Variants in SRRM4 observed in about 807,000 individuals in gnomAD.
SRRM4 encodes the protein serine/arginine repetitive matrix 4.
SRRM4 carries 33 observed loss-of-function variants against 68.9 expected under a neutral mutation model. The ratio of observed to expected loss-of-function variants is 0.48; its 90% CI spans 0.36 to 0.64. The LOEUF (loss-of-function observed/expected upper bound fraction) is 0.64, where lower values mean the gene tolerates loss of function less well. Among genes scored for constraint, SRRM4 ranks in the 30% least tolerant of loss-of-function variants. The pLI, the probability that SRRM4 is intolerant of heterozygous loss-of-function variation, is 0.00. For synonymous variants in SRRM4, 318 were observed against 318.8 expected, an observed-to-expected ratio of 1.00 and a Z score of 0.03; for missense variants, 817 against 827.1, an observed-to-expected ratio of 0.99 and a Z score of 0.15.
chr12:119,051,635 A>G (rs905940929), intron 1 of SRRM4, among the ~76,000 whole-genome samples: 1 of 152,238 alleles, frequency 6.6e-6, no homozygotes, highest in Non-Finnish European at 1.5e-5. Flanking sequence ...AAGAAAGACT[A>G]CACAATACTT....
intron 1 of SRRM4, chr12:119,001,034 ATAGT>A (rs34796491): frequency 0.7 from 106,855 of 151,614 alleles, 38,749 homozygotes; most frequent in Middle Eastern, 0.89. Flanking sequence ...TGAGGGTGGC[ATAGT>A]TAGGGTAGGC....
intron 1 of SRRM4, among the ~76,000 whole-genome samples, chr12:118,982,343 G>A (rs1953252923): frequency 6.6e-6 from 1 of 152,170 alleles, no homozygotes; most frequent in Non-Finnish European, 1.5e-5. Flanking sequence ...CAGAGGGCAG[G>A]TGGGCCAAGG....
At chr12:119,068,601 AGTTTT>A (rs1953859940) in intron 1 of SRRM4, among the ~76,000 whole-genome samples, 1 of 151,894 alleles carries the variant, frequency 6.6e-6, no homozygotes, top group South Asian at 2.1e-4. Context: ...TGGCTTGGGG[AGTTTT>A]AGATATTTAT....
At position 119,123,536 on chromosome 12, in the gene SRRM4, G is replaced by A. The variant is rs144590154; in HGVS notation, c.515+1416G>A. 6.6e-5 allele frequency among the ~76,000 whole-genome samples: 10 copies of A among 152,172 alleles called. No individual in the cohort carries two copies. The East Asian group carries it at 1.5e-3, about 24-fold the overall frequency. ...ACTGAGATAAGGACTGCCTGCGTAA[G>A]GGGAGCAAGGTGGCCACCCTCCCCG... On this transcript the variant is annotated intron_variant, in intron 6 of 12. Coordinates refer to ENST00000267260, the MANE Select transcript of SRRM4 (RefSeq NM_194286.4).
chr12:119,018,001 A>C (rs192941006), intron 1 of SRRM4, among the ~76,000 whole-genome samples: 198 of 152,344 alleles, frequency 1.3e-3, no homozygotes, highest in African/African-American at 4.6e-3. Context: ...ATAATTTAGC[A>C]GGATCATTGT....
chr12:119,036,362 T>C (rs1003251470), intron 1 of SRRM4, among the ~76,000 whole-genome samples: 1 of 152,106 alleles, frequency 6.6e-6, no homozygotes, highest in Admixed American at 6.5e-5. Context: ...TCAGCCAGGG[T>C]CTCTTCCATT....
chr12:119,138,592 G>C (rs12311667), intron 8 of SRRM4, among the ~76,000 whole-genome samples: 4,176 of 152,232 alleles, frequency 0.027, 207 homozygotes, highest in African/African-American at 0.096. Flanking sequence ...GTTCTACACT[G>C]GTTCCCAGGG....
At chr12:119,102,481 C>T (rs568224485) in intron 2 of SRRM4, 99 bp downstream of exon 2, 109 of 922,864 alleles carry the variant, frequency 1.2e-4, no homozygotes, top group Non-Finnish European at 1.6e-4. Flanking sequence ...CTCTTTCAAA[C>T]CCTTAAATCA....
intron 1 of SRRM4, among the ~76,000 whole-genome samples, chr12:119,035,393 TC>T (rs1387965541): frequency 6.6e-6 from 1 of 152,246 alleles, no homozygotes; most frequent in African/African-American, 2.4e-5. Flanking sequence ...CACCACTTTT[TC>T]CTTGAACTTA....
At chr12:119,141,278 G>T (rs960941568) in intron 8 of SRRM4, among the ~76,000 whole-genome samples, 1 of 152,160 alleles carries the variant, frequency 6.6e-6, no homozygotes, top group Non-Finnish European at 1.5e-5. Flanking sequence ...CCAGCATAAA[G>T]AAAAGATAAA....
At chr12:118,995,780 A>G (rs1953345616) in intron 1 of SRRM4, among the ~76,000 whole-genome samples, 1 of 152,316 alleles carries the variant, frequency 6.6e-6, no homozygotes, top group African/African-American at 2.4e-5. Context: ...TGATTCATGC[A>G]TCTACCCATC....
chr12:119,048,289 G>T (rs78812276), intron 1 of SRRM4, among the ~76,000 whole-genome samples: 3,540 of 152,310 alleles, frequency 0.023, 56 homozygotes, highest in Middle Eastern at 0.085. Context: ...CAAATCAGGG[G>T]TGAGCCCATG....
At chr12:119,057,339 C>T (rs1245966302) in intron 1 of SRRM4, among the ~76,000 whole-genome samples, 2 of 152,130 alleles carry the variant, frequency 1.3e-5, no homozygotes, top group East Asian at 3.9e-4. Context: ...CTTCCTGATG[C>T]TCTCCCTCTC....
intron 1 of SRRM4, among the ~76,000 whole-genome samples, chr12:119,007,131 A>C (rs1953421358): frequency 6.6e-6 from 1 of 152,214 alleles, no homozygotes; most frequent in African/African-American, 2.4e-5. Flanking sequence ...ACCCTGGCCC[A>C]CATCTTATCA....
At chr12:119,136,351 C>G (rs1408828226) in intron 8 of SRRM4, among the ~76,000 whole-genome samples, 1 of 152,192 alleles carries the variant, frequency 6.6e-6, no homozygotes, top group Non-Finnish European at 1.5e-5. Flanking sequence ...AGCTCTTGCT[C>G]AACTGGGAGA....
chr12:119,019,536 C>T (rs1437874844), intron 1 of SRRM4, among the ~76,000 whole-genome samples: 1 of 152,170 alleles, frequency 6.6e-6, no homozygotes, highest in Admixed American at 6.5e-5. Flanking sequence ...CCTCAGACAA[C>T]AGCAGTTCCT....
At chr12:119,115,970 G>A (rs1475349368) in intron 3 of SRRM4, among the ~76,000 whole-genome samples, 1 of 152,084 alleles carries the variant, frequency 6.6e-6, no homozygotes, top group Non-Finnish European at 1.5e-5. Context: ...GGCAGGTGCT[G>A]TAGAAGCCCA....
At chr12:119,056,536 G>T (rs1953777780) in intron 1 of SRRM4, among the ~76,000 whole-genome samples, 1 of 152,136 alleles carries the variant, frequency 6.6e-6, no homozygotes. Context: ...CCTGGTGCCT[G>T]CCCACCTCTC....
Position 119,160,575 on chromosome 12 carries a change from A to G in SRRM4, c.*3777A>G, listed in dbSNP as rs541777732. On this transcript the variant is annotated 3_prime_UTR_variant, in exon 13 of 13. Transcript: ENST00000267260. Reference sequence around the variant, plus strand: ...GAGATGTGGCTTGAGGTCAAGCGCCATGCATCCCAAGCCTTTGACCTTCCC... The same window carrying G: ...GAGATGTGGCTTGAGGTCAAGCGCCGTGCATCCCAAGCCTTTGACCTTCCC... The G allele has an allele frequency of 2.2e-4, 33 of 152,322 alleles. No individual in the cohort carries two copies. The highest frequency in any genetic ancestry group is 1.9e-3 in the Admixed American group (29 of 15,300). 9.4% of individuals were successfully genotyped at this position (152,322 alleles called of 1,614,324 possible). A position where few individuals can be genotyped will look rare whatever the true frequency, so the allele number is the denominator to read the frequency against.
Sources: gnomAD v4.1 joint callset for allele counts (sites outside exome capture counted in the v4.1 genomes callset) on GRCh38, gnomAD v4.1.1 for gene constraint, MANE v1.5 for transcripts, NCBI Gene and HGNC (gene_info 2026-07-23, HGNC 2026-07-21) for gene names.